SYT16: variants seen among roughly 807,000 people sequenced by gnomAD.
SYT16 encodes the protein synaptotagmin 16, also known as synaptotagmin-16.
Under a neutral mutation model 61.4 loss-of-function variants are expected in SYT16, and 42 were observed. The observed-to-expected ratio is 0.68, with a 90% CI of 0.53 to 0.89. SYT16 has a LOEUF of 0.89. SYT16 is among the 40% of genes least tolerant of loss of function. The probability of loss-of-function intolerance (pLI) is 0.00; values close to 1 mark genes in which losing one functional copy is unlikely to be tolerated. For missense variants in SYT16, 804 were observed against 807.3 expected, an observed-to-expected ratio of 1.00 and a Z score of 0.05; for synonymous variants, 314 against 302.3, an observed-to-expected ratio of 1.04 and a Z score of -0.40.
At chr14:61,917,441 G>T (rs549261088) in intron 1 of SYT16, among the ~76,000 whole-genome samples, 18 of 152,084 alleles carry the variant, frequency 1.2e-4, no homozygotes, top group Non-Finnish European at 1.8e-4. Flanking sequence ...AGATTTTTTG[G>T]GGGGAGCATA....
intron 1 of SYT16, among the ~76,000 whole-genome samples, chr14:61,890,571 C>A (rs2610545): frequency 0.37 from 56,249 of 151,030 alleles, 10,699 homozygotes; most frequent in East Asian, 0.55. Flanking sequence ...TTAAAAGAAG[C>A]TCTTTTGAGC....
intron 1 of SYT16, among the ~76,000 whole-genome samples, chr14:61,888,485 G>A (rs2048000417): frequency 6.6e-6 from 1 of 152,126 alleles, no homozygotes; most frequent in Non-Finnish European, 1.5e-5. Context: ...GGAGAGATGT[G>A]GGGGAATGAC....
intron 1 of SYT16, among the ~76,000 whole-genome samples, chr14:61,877,406 A>G: frequency 6.6e-6 from 1 of 152,190 alleles, no homozygotes; most frequent in East Asian, 1.9e-4. Flanking sequence ...GTGCTAAGGG[A>G]GGACCATGAA....
At chr14:61,991,612 C>T (rs1396399691) in intron 2 of SYT16, among the ~76,000 whole-genome samples, 2 of 152,112 alleles carry the variant, frequency 1.3e-5, no homozygotes, top group Admixed American at 6.5e-5. Context: ...CAGATTCTAG[C>T]TGTAGGTTTC....
chr14:61,870,132 A>G (rs1231852899), intron 1 of SYT16, among the ~76,000 whole-genome samples: 1 of 152,162 alleles, frequency 6.6e-6, no homozygotes, highest in Non-Finnish European at 1.5e-5. Context: ...CCTTTTACTG[A>G]AGGACTTCCT....
At chr14:62,016,478 G>A (rs975230042) in intron 3 of SYT16, among the ~76,000 whole-genome samples, 2 of 150,154 alleles carry the variant, frequency 1.3e-5, no homozygotes, top group African/African-American at 4.9e-5. Context: ...CAGATCACAA[G>A]GTCAGGAGTT....
At position 62,105,047 on chromosome 14, in the gene SYT16, C is replaced by G. The variant is rs1479020221; in HGVS notation, c.*4340C>G. 1 of 152,144 alleles carries G rather than the reference C, an allele frequency of 6.6e-6. No individual in the cohort carries two copies. Among genetic ancestry groups the G allele is most frequent in the Non-Finnish European group, 1.5e-5 (1 of 68,036 alleles). 9.4% of individuals were successfully genotyped at this position (152,144 alleles called of 1,614,324 possible). A position where few individuals can be genotyped will look rare whatever the true frequency, so the allele number is the denominator to read the frequency against. The stretch of plus-strand genomic sequence containing the variant: ...TGTAACAAGGATAGGCTCATGAAGC[C>G]AGGCTGGATTCGTAAATAAAGGAGG... On this transcript the variant is annotated 3_prime_UTR_variant, in exon 8 of 8. Coordinates refer to ENST00000683842, the MANE Select transcript of SYT16 (RefSeq NM_001367656.1).
intron 7 of SYT16, among the ~76,000 whole-genome samples, chr14:62,089,795 C>G (rs1854108467): frequency 6.6e-6 from 1 of 152,216 alleles, no homozygotes. Context: ...CCAGGTCTGT[C>G]CCTGGCTAAT....
chr14:62,032,316 C>G (rs2054337726), intron 3 of SYT16, among the ~76,000 whole-genome samples: 1 of 151,924 alleles, frequency 6.6e-6, no homozygotes, highest in Non-Finnish European at 1.5e-5. Context: ...ATGGTAAAAC[C>G]ATTTAGTCTT....
chr14:62,046,550 T>A (rs2054995422), intron 3 of SYT16, among the ~76,000 whole-genome samples: 1 of 152,118 alleles, frequency 6.6e-6, no homozygotes, highest in Non-Finnish European at 1.5e-5. Flanking sequence ...CTGAATGGTA[T>A]TGCCTAGGTT....
chr14:62,028,795 T>C lies in SYT16; in HGVS notation c.523+32253T>C, dbSNP rs563938376. On this transcript the variant is annotated intron_variant, in intron 3 of 7. Transcript: ENST00000683842. ...AAAAAAAGTAAACCCCATACTATTT[T>C]TAATTGAGTTTAAAAGATAATTGTA... Among the ~76,000 whole-genome samples, 8 of 152,258 alleles carry C rather than the reference T, an allele frequency of 5.3e-5. No homozygotes were observed. The East Asian group carries it at 5.8e-4, about 11-fold the overall frequency.
rs201962017 is a variant in SYT16 at position 62,081,216 on chromosome 14, T to C, written c.1376T>C (p.Leu459Pro). Residue 459 changes from leucine (L) to proline (P), a missense_variant, in exon 6 of 8, where the codon CTG (leucine) becomes CCG (proline). Transcript: ENST00000683842. ...MGEKLFYLSHLHPEGEMKVTL... is the reference protein window; with the variant it reads ...MGEKLFYLSHPHPEGEMKVTL... ...GAGAAACTATTCTATCTCAGCCACC[T>C]GCACCCAGAAGGGGAAATGAAAGTG... The C allele has an allele frequency of 1.2e-5, 19 of 1,613,854 alleles. No homozygotes were observed. Among genetic ancestry groups the C allele is most frequent in the Non-Finnish European group, 1.5e-5 (18 of 1,179,884 alleles).
At chr14:61,957,284 T>G (rs2050916250) in intron 1 of SYT16, among the ~76,000 whole-genome samples, 1 of 151,912 alleles carries the variant, frequency 6.6e-6, no homozygotes, top group Non-Finnish European at 1.5e-5. Context: ...CTGCTTCCAT[T>G]CTGATTTGGA....
chr14:61,828,463 CA>C (rs1192183785), intron 1 of SYT16, among the ~76,000 whole-genome samples: 1 of 152,178 alleles, frequency 6.6e-6, no homozygotes, highest in Non-Finnish European at 1.5e-5. Context: ...GGATTGCTGG[CA>C]ACAAGTTTTC....
chr14:62,100,349 A>G, intron 7 of SYT16, 45 bp from the exon 8 acceptor site: 1 of 1,482,456 alleles, frequency 6.7e-7, no homozygotes, highest in South Asian at 1.4e-5. Context: ...AGAGAGCACT[A>G]ATGTTTCTTA....
intron 1 of SYT16, among the ~76,000 whole-genome samples, chr14:61,864,524 T>C (rs1566635985): frequency 6.6e-6 from 1 of 152,204 alleles, no homozygotes; most frequent in African/African-American, 2.4e-5. Flanking sequence ...TTGTGGATTA[T>C]GATGTGGTAG....
intron 3 of SYT16, among the ~76,000 whole-genome samples, chr14:62,005,674 T>C (rs1024099907): frequency 6.6e-6 from 1 of 152,156 alleles, no homozygotes; most frequent in Non-Finnish European, 1.5e-5. Context: ...TAAGTAGATA[T>C]GAGGAGGAAC....
chr14:61,990,980 C>T (rs1566743209), intron 2 of SYT16, among the ~76,000 whole-genome samples: 1 of 152,006 alleles, frequency 6.6e-6, no homozygotes, highest in Non-Finnish European at 1.5e-5. Context: ...AATAGAATTC[C>T]AATTAAACCA....
intron 1 of SYT16, among the ~76,000 whole-genome samples, chr14:61,912,092 C>CTT (rs760589637): frequency 1.3e-5 from 2 of 152,122 alleles, no homozygotes; most frequent in Non-Finnish European, 2.9e-5. Flanking sequence ...AGTGATGTGT[C>CTT]TTTAAGTTTT....
Sources: allele counts gnomAD v4.1 joint callset (sites outside exome capture counted in the v4.1 genomes callset), GRCh38; gene constraint gnomAD v4.1.1; transcripts MANE v1.5; gene names NCBI Gene and HGNC (gene_info 2026-07-23, HGNC 2026-07-21).